The following CSNK2B variants were observed in gnomAD, a reference collection of about 807,000 sequenced individuals.
CSNK2B encodes casein kinase 2 beta, also known as casein kinase II subunit beta.
In CSNK2B, 2 loss-of-function variants were observed where a neutral mutation model predicts 28.8. That is an observed-to-expected ratio of 0.07 (90% CI 0.03 to 0.22). The LOEUF is 0.22. Ranked by LOEUF, CSNK2B falls within the 10% of genes least tolerant of loss-of-function variation. The pLI is 1.00. For synonymous variants in CSNK2B, 89 were observed against 96.1 expected (o/e 0.93, Z 0.43); for missense variants, 107 against 277.9 (o/e 0.39, Z 4.37).
Position 31,669,312 on chromosome 6 carries a change from C to T in CSNK2B, c.368-7C>T, listed in dbSNP as rs1273470783. The T allele has an allele frequency of 3.1e-6, 5 of 1,610,312 alleles. No individual in the cohort carries two copies. The highest frequency in any genetic ancestry group is 2.2e-5 in the East Asian group (1 of 44,804). On this transcript the variant is annotated splice_region_variant and splice_polypyrimidine_tract_variant and intron_variant, in intron 5 of 6. Transcript: ENST00000375882. This position sits in a 1 kb window ranked among gnomAD's most constrained non-coding sequence, Gnocchi z 4.8. ...TACCTGGCCTGCTGAGTCTGGCTGT[C>T]TCCCAGGCCTTTCAGACATCCCAGG...
At chr6:31,668,513 T>C in intron 3 of CSNK2B, 26 bp from the exon 4 acceptor site, 1 of 1,600,930 alleles carries the variant, frequency 6.2e-7, no homozygotes, top group Non-Finnish European at 8.6e-7. Context: ...AAACAAGTAG[T>C]TGCATTTGGC....
In CSNK2B at chr6:31,666,192, TGGTCCCC is replaced by T; in HGVS notation, c.-26_-20del. The T allele has an allele frequency of 1.0e-6, 1 of 992,652 alleles. No individual in the cohort carries two copies. The highest frequency in any genetic ancestry group is 1.2e-6 in the Non-Finnish European group (1 of 833,438). The allele number at this position is 992,652 out of a possible 1,614,324, so 61.5% of individuals were successfully genotyped here. A position where few individuals can be genotyped will look rare whatever the true frequency, so the allele number is the denominator to read the frequency against. ...CAACTTCCCTACCCCACCCCAGTCC[TGGTCCCC>T]GTCCAGCCGGTGAGTCTGAAGTCGT... On this transcript the variant is annotated 5_prime_UTR_variant, in exon 1 of 7. Transcript: ENST00000375882.
At chr6:31,666,260 A>T in intron 1 of CSNK2B, 52 bp downstream of exon 1, 1 of 894,550 alleles carries the variant, frequency 1.1e-6, no homozygotes, top group Non-Finnish European at 1.3e-6. Context: ...GGAGCGGCAC[A>T]TGGGGTCTCC....
In CSNK2B at chr6:31,669,782, C is replaced by T. The variant is rs1802051643; in HGVS notation, c.558-54C>T. On this transcript the variant is annotated intron_variant, in intron 6 of 6. Transcript: ENST00000375882. The surrounding 1 kb of genome is among the most constrained non-coding windows in gnomAD (Gnocchi z 4.8). ...GGGAGGTGGGAATGCAGGTGACTGG[C>T]AGGGCCTGGATGGGGCTCATGCTGC... The T allele has an allele frequency of 1.4e-6, 2 of 1,471,040 alleles. No homozygotes were observed. The highest frequency in any genetic ancestry group is 2.4e-5 in the South Asian group (2 of 81,974). The allele number at this position is 1,471,040 out of a possible 1,614,324, so 91.1% of individuals were successfully genotyped here.
At chr6:31,667,589 C>T (rs1027785109) in intron 2 of CSNK2B, among the ~76,000 whole-genome samples, 17 of 152,224 alleles carry the variant, frequency 1.1e-4, no homozygotes, top group Non-Finnish European at 2.5e-4. Flanking sequence ...TTCCTAGAGA[C>T]GGGATACAGG....
Position 31,669,285 on chromosome 6 carries a change from G to A in CSNK2B, c.368-34G>A. On this transcript the variant is annotated intron_variant, in intron 5 of 6. Transcript: ENST00000375882. This position sits in a 1 kb window ranked among gnomAD's most constrained non-coding sequence, Gnocchi z 4.8. The stretch of plus-strand genomic sequence containing the variant: ...AGGGGAGGTTAGGTAGGAATAGGGG[G>A]ATACCTGGCCTGCTGAGTCTGGCTG... 1.2e-6 allele frequency: 2 copies of A among 1,605,936 alleles called. No homozygotes were observed. Among genetic ancestry groups the A allele is most frequent in the Non-Finnish European group, 1.7e-6 (2 of 1,173,842 alleles).
Position 31,668,125 on chromosome 6 carries a change from C to G in CSNK2B, c.175+155C>G, listed in dbSNP as rs543026396. 4 of 697,784 alleles carry G rather than the reference C, an allele frequency of 5.7e-6. No homozygotes were observed. In the East Asian group the frequency reaches 8.1e-5, roughly 14 times the overall value. 43.2% of individuals were successfully genotyped at this position (697,784 alleles called of 1,614,324 possible). ...TTTTGATCCTCCACCTGACTCTTGT[C>G]TAGTTTTGTGACGTATATCACTTGT... On this transcript the variant is annotated intron_variant, in intron 3 of 6. Transcript: ENST00000375882.
chr6:31,666,613 G>A (rs2151181451), intron 1 of CSNK2B: 1 of 590,364 alleles, frequency 1.7e-6, no homozygotes, highest in Non-Finnish European at 3.0e-6. Context: ...CTTTCAAGTG[G>A]TGGGACCCCA....
chr6:31,669,626 C>A lies in CSNK2B; in HGVS notation c.557+118C>A. ...CTTCTCCCAGAATCAGGGCATCTCC[C>A]TGCTGAGTGACTGTGGGAAAGTTAT... is the stretch of plus-strand genomic sequence containing the variant. On this transcript the variant is annotated intron_variant, in intron 6 of 6. Coordinates refer to ENST00000375882, the MANE Select transcript of CSNK2B (RefSeq NM_001320.7). The surrounding 1 kb of genome is among the most constrained non-coding windows in gnomAD (Gnocchi z 4.8). 8.5e-7 allele frequency: 1 copy of A among 1,180,198 alleles called. No individual in the cohort carries two copies. The highest frequency in any genetic ancestry group is 1.4e-5 in the South Asian group (1 of 69,530). The allele number at this position is 1,180,198 out of a possible 1,614,324, so 73.1% of individuals were successfully genotyped here.
intron 1 of CSNK2B, 74 bp downstream of exon 1, chr6:31,666,282 T>A (rs1801685197): frequency 1.3e-6 from 1 of 764,012 alleles, no homozygotes; most frequent in African/African-American, 1.9e-5. Context: ...GACTTTGATG[T>A]GGGGGCGGGG....
chr6:31,668,721 A>G (rs2151187523), intron 4 of CSNK2B, 67 bp downstream of exon 4: 1 of 1,436,878 alleles, frequency 7.0e-7, no homozygotes, highest in Non-Finnish European at 9.8e-7. Flanking sequence ...TGCAGCAAGA[A>G]GTCATGTTTA....
intron 4 of CSNK2B, 130 bp from the exon 5 acceptor site, chr6:31,668,967 C>G (rs2151187944): frequency 1.5e-6 from 1 of 681,784 alleles, no homozygotes; most frequent in Non-Finnish European, 2.6e-6. Context: ...GAGAGCCCAT[C>G]TAGTCCAGAG....
chr6:31,666,110 G>A lies in CSNK2B; in HGVS notation c.-110G>A, dbSNP rs1801659528. 4.0e-5 allele frequency: 40 copies of A among 992,750 alleles called. No individual in the cohort carries two copies. Among genetic ancestry groups the A allele is most frequent in the Non-Finnish European group, 4.8e-5 (40 of 833,224 alleles). The allele number at this position is 992,750 out of a possible 1,614,324, so 61.5% of individuals were successfully genotyped here. The stretch of plus-strand genomic sequence containing the variant: ...CCACTCCCCCCACCCCACTTCGCCT[G>A]CCGCGGTCGGGTCCGCGGCCTGCGC... On this transcript the variant is annotated 5_prime_UTR_variant, in exon 1 of 7. Transcript: ENST00000375882.
rs550699129 is a variant in CSNK2B, at chr6:31,666,099, C to G, written c.-121C>G. ...CTCCCTAATTTCCACTCCCCCCACCCCACTTCGCCTGCCGCGGTCGGGTCC... is the reference window on the plus strand; with the variant it reads ...CTCCCTAATTTCCACTCCCCCCACCGCACTTCGCCTGCCGCGGTCGGGTCC... On this transcript the variant is annotated 5_prime_UTR_variant, in exon 1 of 7. Transcript: ENST00000375882. The G allele has an allele frequency of 1.0e-6, 1 of 993,812 alleles. No individual in the cohort carries two copies. The highest frequency in any genetic ancestry group is 1.2e-6 in the Non-Finnish European group (1 of 833,632). The allele number at this position is 993,812 out of a possible 1,614,324, so 61.6% of individuals were successfully genotyped here.
chr6:31,666,256 G>A, intron 1 of CSNK2B, 48 bp downstream of exon 1: 1 of 917,424 alleles, frequency 1.1e-6, no homozygotes, highest in Non-Finnish European at 1.3e-6. Context: ...GCTGGGAGCG[G>A]CACATGGGGT....
chr6:31,666,713 G>A (rs1801738796), intron 1 of CSNK2B, 108 bp from the exon 2 acceptor site: 2 of 781,702 alleles, frequency 2.6e-6, no homozygotes, highest in Non-Finnish European at 4.2e-6. Flanking sequence ...CTTTAAGAAA[G>A]GGTGGTTCCG....
chr6:31,669,949 A>C lies in CSNK2B; in HGVS notation c.*23A>C, dbSNP rs769357140. 3 of 1,598,828 alleles carry C rather than the reference A, an allele frequency of 1.9e-6. No individual in the cohort carries two copies. The highest frequency in any genetic ancestry group is 2.2e-5 in the East Asian group (1 of 44,756). On this transcript the variant is annotated 3_prime_UTR_variant, in exon 7 of 7. Transcript: ENST00000375882. The surrounding 1 kb of genome is among the most constrained non-coding windows in gnomAD (Gnocchi z 4.8). ...TGATTCCCTCCCCCACCTGTCCTGCAGTCTTTGACTTTTCCTTTCTTTTTT... is the reference window on the plus strand; with the variant it reads ...TGATTCCCTCCCCCACCTGTCCTGCCGTCTTTGACTTTTCCTTTCTTTTTT...
At chr6:31,666,365 G>A (rs1801694666) in intron 1 of CSNK2B, 157 bp downstream of exon 1, 2 of 196,802 alleles carry the variant, frequency 1.0e-5, no homozygotes, top group Admixed American at 6.0e-5. Context: ...TGTGGATTCC[G>A]GTGAAAGGGA....
chr6:31,667,131 G>A (rs746074192), intron 2 of CSNK2B: 1 of 692,254 alleles, frequency 1.4e-6, no homozygotes, highest in South Asian at 1.5e-5. Flanking sequence ...TAGTCAATTT[G>A]TGTCTTTTTC....
Sources: gnomAD v4.1 joint callset for allele counts (sites outside exome capture counted in the v4.1 genomes callset) on GRCh38, gnomAD v4.1.1 for gene constraint, Gnocchi (gnomAD v3.1) non-coding constraint, MANE v1.5 for transcripts, NCBI Gene and HGNC (gene_info 2026-07-23, HGNC 2026-07-21) for gene names.